TXLNB: variants seen among roughly 807,000 people sequenced by gnomAD.
The protein encoded by TXLNB is beta-taxilin.
Under a neutral mutation model 57.4 loss-of-function variants are expected in TXLNB, and 37 were observed. That is an observed-to-expected ratio of 0.64 (90% CI 0.50 to 0.85). The LOEUF (loss-of-function observed/expected upper bound fraction) is 0.85. Ranked by LOEUF, TXLNB falls within the 40% of genes least tolerant of loss-of-function variation. The pLI is 0.00. For missense variants in TXLNB, 848 were observed against 825.6 expected, an observed-to-expected ratio of 1.03 and a Z score of -0.33; for synonymous variants, 302 against 309.6, an observed-to-expected ratio of 0.98 and a Z score of 0.26.
chr6:139,303,567 G>T, the TXLNB span, among the ~76,000 whole-genome samples: 1 of 152,012 alleles, frequency 6.6e-6, no homozygotes, highest in Non-Finnish European at 1.5e-5. Context: ...GTACTTTATT[G>T]TTCATACTGA....
chr6:139,226,340 GA>G, the TXLNB span, among the ~76,000 whole-genome samples: 1 of 139,220 alleles, frequency 7.2e-6, no homozygotes, highest in South Asian at 2.4e-4. Context: ...GATAGAGAGA[GA>G]GAGAAAGACA....
At chr6:139,187,722 C>G in the TXLNB span, among the ~76,000 whole-genome samples, 1 of 151,996 alleles carries the variant, frequency 6.6e-6, no homozygotes, top group African/African-American at 2.4e-5. Flanking sequence ...TTCATCTGGC[C>G]GAGGTCATTC....
chr6:139,190,549 T>G, the TXLNB span, among the ~76,000 whole-genome samples: 1 of 152,160 alleles, frequency 6.6e-6, no homozygotes, highest in Admixed American at 6.5e-5. Flanking sequence ...GACCTTGTGA[T>G]CTGCTCACCT....
downstream of TXLNB, among the ~76,000 whole-genome samples, chr6:139,236,570 T>C (rs931688684): frequency 2.0e-5 from 3 of 152,204 alleles, no homozygotes; most frequent in Non-Finnish European, 4.4e-5. Flanking sequence ...CTCCTTTGCC[T>C]TCCACCATGA....
At chr6:139,229,343 A>G in the TXLNB span, among the ~76,000 whole-genome samples, 1 of 137,870 alleles carries the variant, frequency 7.3e-6, no homozygotes, top group South Asian at 2.4e-4. Context: ...TATTTTTGAG[A>G]TGGAGTTTCT....
chr6:139,287,581 A>G (rs1340330438), intron 2 of TXLNB, among the ~76,000 whole-genome samples: 1 of 152,144 alleles, frequency 6.6e-6, no homozygotes, highest in Non-Finnish European at 1.5e-5. Context: ...TAAACAAATG[A>G]TTGCTGCAGA....
Sources: gnomAD v4.1 joint callset for allele counts (sites outside exome capture counted in the v4.1 genomes callset) on GRCh38, gnomAD v4.1.1 for gene constraint, MANE v1.5 for transcripts, NCBI Gene and HGNC (gene_info 2026-07-23, HGNC 2026-07-21) for gene names.